DOK6: variants seen among roughly 807,000 people sequenced by gnomAD.
DOK6 encodes docking protein 6, also known as downstream of tyrosine kinase 6.
A neutral mutation model predicts 44.0 loss-of-function variants in DOK6; 22 were observed. That is an observed-to-expected ratio of 0.50 (90% CI 0.36 to 0.71). The LOEUF is 0.71. Ranked by LOEUF, DOK6 falls within the 30% of genes least tolerant of loss-of-function variation. The pLI, the probability that DOK6 is intolerant of heterozygous loss-of-function variation, is 0.00. For missense variants in DOK6, 340 were observed against 416.4 expected, an observed-to-expected ratio of 0.82 and a Z score of 1.60; for synonymous variants, 166 against 145.5, an observed-to-expected ratio of 1.14 and a Z score of -1.01.
At chr18:69,789,157 T>C (rs1980519500) in intron 7 of DOK6, among the ~76,000 whole-genome samples, 2 of 152,212 alleles carry the variant, frequency 1.3e-5, no homozygotes, top group East Asian at 1.9e-4. Flanking sequence ...ATGATGCTAG[T>C]ACAATTTTGT....
chr18:69,422,342 C>G (rs1174157575), intron 1 of DOK6, among the ~76,000 whole-genome samples: 1 of 152,208 alleles, frequency 6.6e-6, no homozygotes, highest in African/African-American at 2.4e-5. Context: ...ATACTTTAAT[C>G]TCACTTTCAG....
intron 3 of DOK6, chr18:69,660,373 C>T (rs554898151): frequency 9.9e-5 from 15 of 152,276 alleles, no homozygotes; most frequent in Admixed American, 9.8e-4. Flanking sequence ...TTTCCAATAA[C>T]ATAAATTTCA....
chr18:69,687,025 G>T (rs1986168711), intron 4 of DOK6, among the ~76,000 whole-genome samples: 2 of 151,986 alleles, frequency 1.3e-5, no homozygotes, highest in South Asian at 4.1e-4. Flanking sequence ...AAACTATTCA[G>T]AAAAAACAGA....
At chr18:69,693,412 C>T (rs1986312896) in intron 4 of DOK6, among the ~76,000 whole-genome samples, 2 of 151,692 alleles carry the variant, frequency 1.3e-5, no homozygotes, top group Admixed American at 6.6e-5. Flanking sequence ...TATGCAGTCA[C>T]AATGCACTGA....
chr18:69,463,445 G>T (rs1469180223), intron 1 of DOK6, among the ~76,000 whole-genome samples: 1 of 151,968 alleles, frequency 6.6e-6, no homozygotes, highest in South Asian at 2.1e-4. Flanking sequence ...TTATATTGCT[G>T]TTTACTGTTG....
chr18:69,836,432 G>T (rs1323355965), intron 7 of DOK6, among the ~76,000 whole-genome samples: 1 of 152,020 alleles, frequency 6.6e-6, no homozygotes, highest in Non-Finnish European at 1.5e-5. Context: ...CTGGCAGGTA[G>T]TGGTAGTATG....
chr18:69,522,825 CA>C (rs1268190208), intron 1 of DOK6, among the ~76,000 whole-genome samples: 1 of 152,004 alleles, frequency 6.6e-6, no homozygotes, highest in African/African-American at 2.4e-5. Flanking sequence ...ATTCAAAACC[CA>C]ACAAATTATC....
At chr18:69,792,299 G>T (rs1190417275) in intron 7 of DOK6, among the ~76,000 whole-genome samples, 3 of 152,034 alleles carry the variant, frequency 2.0e-5, no homozygotes, top group South Asian at 2.1e-4. Context: ...CGGTATTTTT[G>T]ATAGGAATTG....
Position 69,564,519 on chromosome 18 carries a change from G to A in DOK6, c.99G>A (p.Lys33=), listed in dbSNP as rs1277914964. The change falls in exon 2 of 8, where the codon AAG becomes AAA. Residue 33 remains lysine (K), a synonymous_variant. Transcript: ENST00000382713. ...IFRRCWLVFK[K]ASSKGPRRLE... Reference sequence around the variant, plus strand: ...GACGATGCTGGTTGGTTTTCAAGAAGGCTTCTAGCAAAGGACCCAGAAGGT... The same window carrying A: ...GACGATGCTGGTTGGTTTTCAAGAAAGCTTCTAGCAAAGGACCCAGAAGGT... 2.5e-6 allele frequency: 4 copies of A among 1,613,900 alleles called. No individual in the cohort carries two copies. Among genetic ancestry groups the A allele is most frequent in the Non-Finnish European group, 3.4e-6 (4 of 1,179,906 alleles).
At chr18:69,763,953 G>A (rs1212749188) in intron 7 of DOK6, among the ~76,000 whole-genome samples, 2 of 152,172 alleles carry the variant, frequency 1.3e-5, no homozygotes, top group Admixed American at 6.6e-5. Context: ...CTCCATGAGG[G>A]TGGACCTGAG....
chr18:69,409,028 G>A (rs190461028), intron 1 of DOK6, among the ~76,000 whole-genome samples: 37 of 152,112 alleles, frequency 2.4e-4, no homozygotes, highest in African/African-American at 5.5e-4. Context: ...TAATCCCCAC[G>A]TGTCATGGGA....
rs368721580 is a variant in DOK6, at chr18:69,677,816, C to A, written c.372C>A (p.Pro124=). Residue 124 remains proline (P), a synonymous_variant, in exon 4 of 8, where the codon CCC becomes CCA. Transcript: ENST00000382713. ...TCAATGATATCAGCCTTGGGGAGCC[C>A]GACCTTCTGGCCGCAGGAGTGCAGC... ...TRLNDISLGE[P]DLLAAGVQRE... 3 of 1,613,722 alleles carry A rather than the reference C, an allele frequency of 1.9e-6. No individual in the cohort carries two copies. In the Admixed American group the frequency reaches 5.0e-5, roughly 27 times the overall value.
In DOK6 at chr18:69,677,829, G is replaced by T; in HGVS notation, c.385G>T (p.Ala129Ser). Residue 129 changes from alanine to serine, a missense_variant, in exon 4 of 8, where the codon GCA becomes TCA. Transcript: ENST00000382713. The stretch of plus-strand genomic sequence containing the variant: ...CCTTGGGGAGCCCGACCTTCTGGCC[G>T]CAGGAGTGCAGCGGGAACAGAATGG... ...ISLGEPDLLA[A>S]GVQREQNERF... 2.5e-6 allele frequency: 4 copies of T among 1,613,558 alleles called. No homozygotes were observed. The highest frequency in any genetic ancestry group is 2.5e-6 in the Non-Finnish European group (3 of 1,179,684).
intron 1 of DOK6, among the ~76,000 whole-genome samples, chr18:69,410,221 A>G (rs1285474733): frequency 6.6e-6 from 1 of 152,202 alleles, no homozygotes; most frequent in Non-Finnish European, 1.5e-5. Flanking sequence ...CTATCCCTTT[A>G]TTAAAAAACA....
At chr18:69,514,131 T>C (rs1981450520) in intron 1 of DOK6, among the ~76,000 whole-genome samples, 1 of 152,098 alleles carries the variant, frequency 6.6e-6, no homozygotes, top group African/African-American at 2.4e-5. Flanking sequence ...ATTATTTGAT[T>C]ACCTGTTTGT....
intron 2 of DOK6, among the ~76,000 whole-genome samples, chr18:69,591,082 T>A (rs1167199493): frequency 2.0e-5 from 3 of 152,190 alleles, no homozygotes; most frequent in Non-Finnish European, 4.4e-5. Flanking sequence ...AGCAGTTATA[T>A]TTTTTACAAT....
At chr18:69,744,936 A>C (rs894834201) in intron 6 of DOK6, among the ~76,000 whole-genome samples, 1 of 151,154 alleles carries the variant, frequency 6.6e-6, no homozygotes, top group Non-Finnish European at 1.5e-5. Flanking sequence ...AAAAAAAAAA[A>C]AAAAAAAAAA....
chr18:69,785,381 T>C (rs889029912), intron 7 of DOK6, among the ~76,000 whole-genome samples: 2 of 152,226 alleles, frequency 1.3e-5, no homozygotes, highest in Non-Finnish European at 2.9e-5. Flanking sequence ...CCCAGACATC[T>C]GTAATTATGT....
chr18:69,459,265 T>C (rs1343067639), intron 1 of DOK6, among the ~76,000 whole-genome samples: 1 of 150,158 alleles, frequency 6.7e-6, no homozygotes, highest in Non-Finnish European at 1.5e-5. Flanking sequence ...CATTCCAAAC[T>C]CAATAAATTA....
Sources: allele counts gnomAD v4.1 joint callset (sites outside exome capture counted in the v4.1 genomes callset), GRCh38; gene constraint gnomAD v4.1.1; transcripts MANE v1.5; gene names NCBI Gene and HGNC (gene_info 2026-07-23, HGNC 2026-07-21).